The following NRG3 variants were observed in gnomAD, a reference collection of about 807,000 sequenced individuals.
NRG3 encodes neuregulin 3, also known as pro-neuregulin-3, membrane-bound isoform.
A neutral mutation model predicts 66.9 loss-of-function variants in NRG3; 31 were observed. That is an observed-to-expected ratio of 0.46 (90% CI 0.35 to 0.63). The LOEUF (loss-of-function observed/expected upper bound fraction) is 0.63. Ranked by LOEUF, NRG3 falls within the 20% of genes least tolerant of loss-of-function variation. The pLI, the probability that NRG3 is intolerant of heterozygous loss-of-function variation, is 0.00. For synonymous variants in NRG3, 393 were observed against 359.4 expected, an observed-to-expected ratio of 1.09 and a Z score of -1.06; for missense variants, 910 against 878.9, an observed-to-expected ratio of 1.04 and a Z score of -0.45.
At chr10:82,320,974 A>G (rs1314760351) in intron 1 of NRG3, among the ~76,000 whole-genome samples, 1 of 152,198 alleles carries the variant, frequency 6.6e-6, no homozygotes, top group Non-Finnish European at 1.5e-5. Context: ...ATCCAGCAAT[A>G]AAATCCCCCG....
intron 1 of NRG3, among the ~76,000 whole-genome samples, chr10:81,972,431 A>G (rs1346508783): frequency 6.6e-6 from 1 of 152,166 alleles, no homozygotes; most frequent in East Asian, 1.9e-4. Flanking sequence ...TACATATCCT[A>G]TGTTCAAAAA....
chr10:82,095,077 T>C (rs2066254587), intron 1 of NRG3, among the ~76,000 whole-genome samples: 1 of 152,188 alleles, frequency 6.6e-6, no homozygotes, highest in Admixed American at 6.5e-5. Context: ...TTGGCTCCTT[T>C]TCCTGGAAGC....
chr10:82,357,703 T>C (rs2083870592), intron 1 of NRG3, among the ~76,000 whole-genome samples: 1 of 152,096 alleles, frequency 6.6e-6, no homozygotes, highest in Non-Finnish European at 1.5e-5. Context: ...CCTGATTACC[T>C]CCCAAAGGGC....
At chr10:81,894,315 T>C (rs966945978) in intron 1 of NRG3, among the ~76,000 whole-genome samples, 1 of 152,130 alleles carries the variant, frequency 6.6e-6, no homozygotes, top group African/African-American at 2.4e-5. Context: ...CACTCCAGCC[T>C]GGACTCTGTC....
At chr10:82,468,411 G>A (rs911985462) in intron 2 of NRG3, among the ~76,000 whole-genome samples, 2 of 124,074 alleles carry the variant, frequency 1.6e-5, no homozygotes, top group African/African-American at 6.9e-5. Flanking sequence ...CTGCTGAGAG[G>A]CTGAATCATT....
At chr10:81,910,473 A>C (rs961523971) in intron 1 of NRG3, among the ~76,000 whole-genome samples, 8 of 152,226 alleles carry the variant, frequency 5.3e-5, no homozygotes, top group Non-Finnish European at 8.8e-5. Flanking sequence ...AACATGCATT[A>C]AATGTAATCT....
chr10:82,029,247 C>T (rs187242133), intron 1 of NRG3, among the ~76,000 whole-genome samples: 129 of 152,070 alleles, frequency 8.5e-4, no homozygotes, highest in Non-Finnish European at 1.4e-3. Context: ...TGATACCCAT[C>T]GTTACCACCA....
intron 1 of NRG3, among the ~76,000 whole-genome samples, chr10:81,917,946 A>G (rs931694386): frequency 1.3e-5 from 2 of 152,138 alleles, no homozygotes; most frequent in African/African-American, 4.8e-5. Flanking sequence ...TGGCGGACTG[A>G]TGAGTTTAAT....
At chr10:82,440,382 G>T in intron 2 of NRG3, among the ~76,000 whole-genome samples, 1 of 119,964 alleles carries the variant, frequency 8.3e-6, no homozygotes. Flanking sequence ...TTTTTGAACA[G>T]CCTTCTTTTA....
intron 1 of NRG3, among the ~76,000 whole-genome samples, chr10:82,084,003 G>C (rs1008141187): frequency 6.6e-6 from 1 of 151,672 alleles, no homozygotes; most frequent in Admixed American, 6.6e-5. Flanking sequence ...TGAGGCGGGC[G>C]GATTATCTGA....
At chr10:82,267,795 T>G (rs896131486) in intron 1 of NRG3, among the ~76,000 whole-genome samples, 1 of 152,174 alleles carries the variant, frequency 6.6e-6, no homozygotes, top group Non-Finnish European at 1.5e-5. Context: ...AGGACTGATT[T>G]GCATTATCTC....
chr10:82,122,115 T>C (rs187514805), intron 1 of NRG3, among the ~76,000 whole-genome samples: 1 of 152,284 alleles, frequency 6.6e-6, no homozygotes, highest in East Asian at 1.9e-4. Context: ...TGAGTTGCTG[T>C]GAGGATTATA....
At chr10:82,240,943 T>C (rs1359451215) in intron 1 of NRG3, among the ~76,000 whole-genome samples, 1 of 152,154 alleles carries the variant, frequency 6.6e-6, no homozygotes, top group Non-Finnish European at 1.5e-5. Context: ...GTTTTATTCT[T>C]ATAATTTTGT....
At chr10:82,859,813 A>G (rs1199293058) in intron 3 of NRG3, among the ~76,000 whole-genome samples, 1 of 152,232 alleles carries the variant, frequency 6.6e-6, no homozygotes, top group Non-Finnish European at 1.5e-5. Context: ...GCCATTCCAC[A>G]ATGTATACGT....
chr10:81,891,813 C>G (rs957627385), intron 1 of NRG3, among the ~76,000 whole-genome samples: 2 of 152,088 alleles, frequency 1.3e-5, no homozygotes, highest in Admixed American at 6.6e-5. Context: ...ATTTCAGGCT[C>G]TTCTGTAAAT....
chr10:82,764,412 CTG>C (rs1481253340), intron 3 of NRG3, among the ~76,000 whole-genome samples: 1 of 145,794 alleles, frequency 6.9e-6, no homozygotes, highest in African/African-American at 2.6e-5. Flanking sequence ...TAGTCTCGCT[CTG>C]TCGCCTAAGT....
chr10:82,195,642 A>C (rs553992140), intron 1 of NRG3, among the ~76,000 whole-genome samples: 2 of 152,142 alleles, frequency 1.3e-5, no homozygotes, highest in African/African-American at 4.8e-5. Flanking sequence ...CCCCCAGAAC[A>C]TGTGAATATG....
chr10:82,526,313 T>A (rs1252615614), intron 2 of NRG3, among the ~76,000 whole-genome samples: 1 of 151,528 alleles, frequency 6.6e-6, no homozygotes, highest in Non-Finnish European at 1.5e-5. Flanking sequence ...AAAAATAGAA[T>A]AGTGGATAAA....
At chr10:82,869,797 C>G (rs994537039) in intron 4 of NRG3, among the ~76,000 whole-genome samples, 5 of 151,560 alleles carry the variant, frequency 3.3e-5, no homozygotes, top group African/African-American at 1.2e-4. Context: ...TTAGTAGAGA[C>G]GGGGTTTTCA....
Sources: gnomAD v4.1 joint callset for allele counts (sites outside exome capture counted in the v4.1 genomes callset) on GRCh38, gnomAD v4.1.1 for gene constraint, MANE v1.5 for transcripts, NCBI Gene and HGNC (gene_info 2026-07-23, HGNC 2026-07-21) for gene names.